The following SMYD5 variants were observed in gnomAD, a reference collection of about 807,000 sequenced individuals.
The protein encoded by SMYD5 is SMYD family member 5, also known as protein-lysine N-trimethyltransferase SMYD5.
A neutral mutation model predicts 57.4 loss-of-function variants in SMYD5; 35 were observed. The observed-to-expected ratio is 0.61, with a 90% CI of 0.47 to 0.81. SMYD5 has a LOEUF of 0.81. SMYD5 is among the 30% of genes least tolerant of loss of function. SMYD5 has a pLI of 0.00. For missense variants in SMYD5, 471 were observed against 527.9 expected (o/e 0.89, Z 1.06); for synonymous variants, 198 against 189.7 (o/e 1.04, Z -0.36).
chr2:73,214,796 G>T (rs1405522680), intron 1 of SMYD5: 1 of 1,309,702 alleles, frequency 7.6e-7, no homozygotes, highest in Admixed American at 2.3e-5. Context: ...AGGGTCCTTG[G>T]AGTGCTGAGG....
At chr2:73,214,503 TC>T (rs1686255038) in intron 1 of SMYD5, 141 bp downstream of exon 1, 4 of 1,488,808 alleles carry the variant, frequency 2.7e-6, no homozygotes, top group African/African-American at 1.4e-5. Context: ...GCCCGGGGGC[TC>T]CCAGTCTGTC....
In SMYD5 at chr2:73,223,143, G is replaced by A. The variant is rs552523705; in HGVS notation, c.776+37G>A. 1.3e-5 allele frequency: 20 copies of A among 1,573,078 alleles called. No homozygotes were observed. In the South Asian group the frequency reaches 1.9e-4, roughly 15 times the overall value. ...CCAGAGCTATTGAAGTTACTCTCAG[G>A]GGTGGGAAACTGAGGAAGGTAGCCA... On this transcript the variant is annotated intron_variant, in intron 8 of 12. Coordinates refer to ENST00000389501, the MANE Select transcript of SMYD5 (RefSeq NM_006062.3).
intron 1 of SMYD5, 69 bp from the exon 2 acceptor site, chr2:73,218,792 C>T: frequency 8.5e-7 from 1 of 1,177,596 alleles, no homozygotes; most frequent in South Asian, 1.3e-5. Flanking sequence ...GCTGGACAGC[C>T]TCCTGGAAGC....
chr2:73,225,964 A>G lies in SMYD5; in HGVS notation c.*18A>G, dbSNP rs1258200493. ...ATGTGTGATGTTGCCCTGCCCAGAA[A>G]GGGCCCTGCCCTAGACCCTGCCAGA... is the stretch of plus-strand genomic sequence containing the variant. On this transcript the variant is annotated 3_prime_UTR_variant, in exon 13 of 13. Transcript: ENST00000389501. 1 of 1,606,372 alleles carries G rather than the reference A, an allele frequency of 6.2e-7. No homozygotes were observed. The highest frequency in any genetic ancestry group is 8.5e-7 in the Non-Finnish European group (1 of 1,176,094).
chr2:73,225,247 A>C, intron 11 of SMYD5: 1 of 478,454 alleles, frequency 2.1e-6, no homozygotes, highest in Non-Finnish European at 3.7e-6. Flanking sequence ...GTAATTTCTA[A>C]GAAAGCAGGA....
rs1219527396 is a variant in SMYD5, at chr2:73,224,006, G to A, written c.940+3G>A. The A allele has an allele frequency of 9.3e-6, 15 of 1,614,052 alleles. No homozygotes were observed. The highest frequency in any genetic ancestry group is 1.3e-5 in the Non-Finnish European group (15 of 1,179,894). On this transcript the variant is annotated splice_donor_region_variant and intron_variant, in intron 10 of 12. Coordinates refer to ENST00000389501, the MANE Select transcript of SMYD5 (RefSeq NM_006062.3). ...CCTCTTTGTGCTTCAGAGCTGCTGTGAGTCATGGCGTTGAGGAGGGATGGT... is the reference window on the plus strand; with the variant it reads ...CCTCTTTGTGCTTCAGAGCTGCTGTAAGTCATGGCGTTGAGGAGGGATGGT...
intron 5 of SMYD5, 42 bp downstream of exon 5, chr2:73,221,276 C>T (rs1261739492): frequency 6.6e-7 from 1 of 1,521,918 alleles, no homozygotes; most frequent in Non-Finnish European, 9.1e-7. Context: ...ACTTTGGCCC[C>T]ATTCAACCCT....
Position 73,214,276 on chromosome 2 carries a change from TC to T in SMYD5, c.12del (p.Met5CysfsTer24). On this transcript the variant is annotated frameshift_variant, in exon 1 of 13. Coordinates refer to ENST00000389501, the MANE Select transcript of SMYD5 (RefSeq NM_006062.3). LOFTEE classifies it high-confidence loss of function. ...CGGAGGCGCGCCCAAGATGGCGGCC[TC>T]CATGTGCGACGTGTTCTCCTTCTGC... The part of the protein sequence containing the change: MAA[S>X]MCDVFSFCVG... The T allele has an allele frequency of 6.2e-7, 1 of 1,613,712 alleles. No homozygotes were observed. Among genetic ancestry groups the T allele is most frequent in the Non-Finnish European group, 8.5e-7 (1 of 1,179,858 alleles).
Position 73,226,109 on chromosome 2 carries a change from A to G in SMYD5, c.*163A>G. ...GAGAGAGCCTGGATCTCTGGCCCCA[A>G]CCCCCACCAGACCTCATGCCCTGGA... On this transcript the variant is annotated 3_prime_UTR_variant, in exon 13 of 13. Transcript: ENST00000389501. The G allele has an allele frequency of 1.0e-6, 1 of 971,584 alleles. No homozygotes were observed. The highest frequency in any genetic ancestry group is 1.5e-6 in the Non-Finnish European group (1 of 676,134). 60.2% of individuals were successfully genotyped at this position (971,584 alleles called of 1,614,324 possible).
intron 1 of SMYD5, chr2:73,214,565 G>A: frequency 5.4e-6 from 8 of 1,490,626 alleles, no homozygotes; most frequent in Non-Finnish European, 7.2e-6. Context: ...GGCCTCCGGA[G>A]TCTCCGTGCG....
intron 1 of SMYD5, among the ~76,000 whole-genome samples, chr2:73,217,071 C>T (rs979216729): frequency 6.6e-6 from 1 of 152,022 alleles, no homozygotes; most frequent in Non-Finnish European, 1.5e-5. Context: ...CCTGCCTCAG[C>T]CTTCCGAGTA....
At chr2:73,219,068 G>A in intron 2 of SMYD5, 99 bp downstream of exon 2, 1 of 841,450 alleles carries the variant, frequency 1.2e-6, no homozygotes, top group Non-Finnish European at 2.0e-6. Context: ...AACTCTGGGT[G>A]TTGGGAGGAA....
At chr2:73,222,682 C>A in intron 6 of SMYD5, 73 bp from the exon 7 acceptor site, 1 of 1,322,220 alleles carries the variant, frequency 7.6e-7, no homozygotes, top group South Asian at 1.3e-5. Flanking sequence ...CTCCCCTAGT[C>A]GCCTGGGCCC....
At chr2:73,225,556 A>G in intron 11 of SMYD5, 75 bp from the exon 12 acceptor site, 1 of 1,337,496 alleles carries the variant, frequency 7.5e-7, no homozygotes, top group Non-Finnish European at 1.1e-6. Context: ...GGTTGGAGAT[A>G]GGGTAGCTGT....
rs1250073817 is a variant in SMYD5 at position 73,218,900 on chromosome 2, G to T, written c.136G>T (p.Glu46Ter). The T allele has an allele frequency of 1.2e-6, 2 of 1,614,062 alleles. No individual in the cohort carries two copies. The highest frequency in any genetic ancestry group is 2.2e-5 in the East Asian group (1 of 44,892). Residue 46 changes from glutamate to a stop codon, truncating the protein, a stop_gained, in exon 2 of 13, where the codon GAG becomes TAG. Coordinates refer to ENST00000389501, the MANE Select transcript of SMYD5 (RefSeq NM_006062.3). LOFTEE classifies it high-confidence loss of function. ...TGCCACACAGCTCATCCGGAAGGGG[G>T]AGACCATCTTCGTAGAACGGCCCCT... ...LFATQLIRKGETIFVERPLVA... is the reference protein window; with the variant it reads ...LFATQLIRKG
At chr2:73,218,528 G>A (rs993893450) in intron 1 of SMYD5, among the ~76,000 whole-genome samples, 2 of 152,242 alleles carry the variant, frequency 1.3e-5, no homozygotes, top group African/African-American at 4.8e-5. Context: ...CCTGGTACTG[G>A]AGGCCCCAGC....
intron 1 of SMYD5, chr2:73,214,873 T>C: frequency 8.0e-7 from 1 of 1,245,310 alleles, no homozygotes; most frequent in Non-Finnish European, 1.0e-6. Context: ...GTGACGTGAT[T>C]TTGTCGTTTT....
Position 73,218,862 on chromosome 2 carries a change from G to A in SMYD5, c.98G>A (p.Gly33Glu). ...CATCCTATCCCTCTGCCCTCTCAGG[G>A]AAAGGGGCTGTTTGCCACACAGCTC... ...VEVRFVSSAK[G>E]KGLFATQLIR... The change falls in exon 2 of 13, where the codon GGA becomes GAA. Residue 33 changes from glycine to glutamate, a missense_variant and splice_region_variant. Physicochemically the swap from Gly to Glu is moderately conservative, Grantham distance 98. Transcript: ENST00000389501. 6.2e-7 allele frequency: 1 copy of A among 1,612,870 alleles called. No homozygotes were observed. Among genetic ancestry groups the A allele is most frequent in the Non-Finnish European group, 8.5e-7 (1 of 1,178,830 alleles).
rs1315802375 is a variant in SMYD5 at position 73,225,458 on chromosome 2, G to A, written c.1036-173G>A. The A allele has an allele frequency of 8.7e-6, 6 of 688,334 alleles. No individual in the cohort carries two copies. In the African/African-American group the frequency reaches 1.1e-4, roughly 12 times the overall value. The allele number at this position is 688,334 out of a possible 1,614,324, so 42.6% of individuals were successfully genotyped here. On this transcript the variant is annotated intron_variant, in intron 11 of 12. Transcript: ENST00000389501. ...GGCTGTTGGAGCCTTATAGTGGCCT[G>A]CCTACTGAAGGCACTGGGAACTGGA...
Sources: allele counts gnomAD v4.1 joint callset (sites outside exome capture counted in the v4.1 genomes callset), GRCh38; gene constraint gnomAD v4.1.1; transcripts MANE v1.5; gene names NCBI Gene and HGNC (gene_info 2026-07-23, HGNC 2026-07-21).